ADGRL2: variants seen among roughly 807,000 people sequenced by gnomAD.
The protein encoded by ADGRL2 is adhesion G protein-coupled receptor L2, also known as calcium-independent alpha-latrotoxin receptor 2.
Under a neutral mutation model 157.4 loss-of-function variants are expected in ADGRL2, and 44 were observed. The observed-to-expected ratio is 0.28, with a 90% CI of 0.22 to 0.36. The LOEUF (loss-of-function observed/expected upper bound fraction) is 0.36. Among genes scored for constraint, ADGRL2 ranks in the 10% least tolerant of loss-of-function variants. The pLI is 1.00. For missense variants in ADGRL2, 1,510 were observed against 1,768.9 expected, an observed-to-expected ratio of 0.85 and a Z score of 2.63; for synonymous variants, 585 against 624.7, an observed-to-expected ratio of 0.94 and a Z score of 0.95.
At chr1:81,571,109 G>A (rs937705155) in intron 2 of ADGRL2, among the ~76,000 whole-genome samples, 1 of 151,942 alleles carries the variant, frequency 6.6e-6, no homozygotes, top group Non-Finnish European at 1.5e-5. Flanking sequence ...CAGATCACCT[G>A]AGGTCAGGAG....
At chr1:81,808,476 TTTG>T (rs2089447012) in intron 1 of ADGRL2, among the ~76,000 whole-genome samples, 1 of 152,018 alleles carries the variant, frequency 6.6e-6, no homozygotes, top group African/African-American at 2.4e-5. Flanking sequence ...TCATTTTTGT[TTTG>T]TTTTTATGAA....
At chr1:81,975,437 G>C (rs944030493) in intron 17 of ADGRL2, among the ~76,000 whole-genome samples, 1 of 152,078 alleles carries the variant, frequency 6.6e-6, no homozygotes. Flanking sequence ...AAGAGTGGCT[G>C]CATTGGAATT....
upstream of ADGRL2, among the ~76,000 whole-genome samples, chr1:81,698,515 C>A (rs781023144): frequency 6.6e-6 from 1 of 152,114 alleles, no homozygotes; most frequent in Non-Finnish European, 1.5e-5. Context: ...CAAGTTGAAG[C>A]AAAGGCAATA....
chr1:81,592,667 G>A (rs1051929389), intron 3 of ADGRL2, among the ~76,000 whole-genome samples: 1 of 152,168 alleles, frequency 6.6e-6, no homozygotes, highest in Non-Finnish European at 1.5e-5. Flanking sequence ...GAGGGCAAAG[G>A]AAGAAAGCTA....
chr1:81,352,260 A>G (rs764256853), intron 1 of ADGRL2, among the ~76,000 whole-genome samples: 17 of 152,350 alleles, frequency 1.1e-4, no homozygotes, highest in Middle Eastern at 6.8e-3. Flanking sequence ...CAAAGTCTCA[A>G]CATATCAGTG....
chr1:81,850,688 T>C (rs1192929006), intron 2 of ADGRL2, among the ~76,000 whole-genome samples: 1 of 151,996 alleles, frequency 6.6e-6, no homozygotes. Context: ...TGAATTTATA[T>C]AGCAACACAG....
chr1:81,712,755 ATTTTTTTTTTTT>A (rs60265943), intron 1 of ADGRL2, among the ~76,000 whole-genome samples: 14 of 100,250 alleles, frequency 1.4e-4, no homozygotes, highest in Non-Finnish European at 2.5e-4. Context: ...TGGATCGCGG[ATTTTTTTTTTTT>A]TTTTTTTTTT....
At chr1:81,466,923 A>G (rs954971321) in intron 2 of ADGRL2, among the ~76,000 whole-genome samples, 27 of 152,234 alleles carry the variant, frequency 1.8e-4, no homozygotes, top group African/African-American at 5.8e-4. Flanking sequence ...GAGGTAATCA[A>G]TCACTCTGGA....
intron 2 of ADGRL2, among the ~76,000 whole-genome samples, chr1:81,554,906 G>A (rs1455784408): frequency 6.6e-6 from 1 of 152,054 alleles, no homozygotes; most frequent in Non-Finnish European, 1.5e-5. Context: ...TCTTACAGGT[G>A]TACAATTAGT....
chr1:81,802,957 CGT>C (rs2088502947), intron 1 of ADGRL2, among the ~76,000 whole-genome samples: 1 of 151,824 alleles, frequency 6.6e-6, no homozygotes, highest in Non-Finnish European at 1.5e-5. Flanking sequence ...AGGGCGGCCT[CGT>C]GGGTCGGGAG....
chr1:81,912,984 AAG>A (rs1390720286), intron 3 of ADGRL2, among the ~76,000 whole-genome samples: 4 of 152,176 alleles, frequency 2.6e-5, no homozygotes, highest in African/African-American at 9.7e-5. Context: ...TTCTATGAGA[AAG>A]AGAAAAAAAT....
At chr1:81,406,819 T>A (rs1330994048) in intron 1 of ADGRL2, among the ~76,000 whole-genome samples, 1 of 152,194 alleles carries the variant, frequency 6.6e-6, no homozygotes, top group African/African-American at 2.4e-5. Flanking sequence ...CTCTGGAGGT[T>A]AAAACCAATT....
intron 2 of ADGRL2, among the ~76,000 whole-genome samples, chr1:81,845,498 A>G (rs192137344): frequency 3.9e-4 from 59 of 152,164 alleles, no homozygotes; most frequent in Admixed American, 1.2e-3. Context: ...AATTTTAAAA[A>G]GATTTAACAC....
intron 1 of ADGRL2, among the ~76,000 whole-genome samples, chr1:81,807,427 T>A (rs1270966964): frequency 6.6e-6 from 1 of 152,016 alleles, no homozygotes; most frequent in Non-Finnish European, 1.5e-5. Context: ...ATTTAATCAC[T>A]CAGATTATTG....
chr1:81,700,232 A>G (rs1046828369), intron 1 of ADGRL2, among the ~76,000 whole-genome samples: 2 of 152,222 alleles, frequency 1.3e-5, no homozygotes, highest in African/African-American at 4.8e-5. Flanking sequence ...TCACAGGAAG[A>G]TTTCCTTCAG....
intron 2 of ADGRL2, among the ~76,000 whole-genome samples, chr1:81,838,047 T>C (rs2092370979): frequency 6.6e-6 from 1 of 152,064 alleles, no homozygotes; most frequent in Non-Finnish European, 1.5e-5. Context: ...TTATATGTAC[T>C]TTTAAGTGAT....
rs1432945832 is a variant in ADGRL2, at chr1:81,615,037, A to G, written c.-143+34057A>G. ...CAAAAATAAAATAAAGTAAAATAAA[A>G]TAAAAACAGATATCAGTAAACCAAA... On this transcript the variant is annotated intron_variant, in intron 3 of 24. Coordinates refer to the ADGRL2 transcript ENST00000370721. Among the ~76,000 whole-genome samples, 5 of 152,232 alleles carry G rather than the reference A, an allele frequency of 3.3e-5. No individual in the cohort carries two copies. In the East Asian group the frequency reaches 9.7e-4, roughly 29 times the overall value.
chr1:81,961,076 G>A (rs77339759), intron 11 of ADGRL2, among the ~76,000 whole-genome samples: 8,712 of 152,154 alleles, frequency 0.057, 371 homozygotes, highest in Non-Finnish European at 0.084. Context: ...TACTTGCTGA[G>A]GAATTTGCAA....
rs566450952 is a variant in ADGRL2, at chr1:81,620,453, C to T, written c.-143+39473C>T. On this transcript the variant is annotated intron_variant, in intron 3 of 24. Transcript: ENST00000370721. ...TGTGTAAATGAAAGCACATGTAATA[C>T]ACAAATATGGCAAAATATTAATTAG... 5.9e-5 allele frequency among the ~76,000 whole-genome samples: 9 copies of T among 152,238 alleles called. No individual in the cohort carries two copies. The South Asian group carries it at 1.9e-3, about 32-fold the overall frequency.
Sources: gnomAD v4.1 joint callset for allele counts (sites outside exome capture counted in the v4.1 genomes callset) on GRCh38, gnomAD v4.1.1 for gene constraint, MANE v1.5 for transcripts, NCBI Gene and HGNC (gene_info 2026-07-23, HGNC 2026-07-21) for gene names.